The following AMOTL1 variants were observed in gnomAD, a reference collection of about 807,000 sequenced individuals.
AMOTL1 encodes the protein angiomotin-like protein 1.
AMOTL1 carries 45 observed loss-of-function variants against 102.9 expected under a neutral mutation model. The observed-to-expected ratio is 0.44, with a 90% confidence interval of 0.34 to 0.56. The LOEUF is 0.56. AMOTL1 is among the 20% of genes least tolerant of loss of function. The pLI is 0.01. For synonymous variants in AMOTL1, 481 were observed against 484.7 expected, an observed-to-expected ratio of 0.99 and a Z score of 0.10; for missense variants, 1,114 against 1,225.6, an observed-to-expected ratio of 0.91 and a Z score of 1.36.
At chr11:94,839,534 A>C (rs913301541) in intron 6 of AMOTL1, among the ~76,000 whole-genome samples, 7 of 152,188 alleles carry the variant, frequency 4.6e-5, no homozygotes, top group African/African-American at 1.7e-4. Flanking sequence ...GCCATGGGGA[A>C]GCCATCTCCT....
At position 94,841,049 on chromosome 11, in the gene AMOTL1, A is replaced by C. The variant is rs114152582; in HGVS notation, c.1649-9065A>C. ...GATCATTATTCTTTATATTATGGCC[A>C]GGTTTTATGGTTGTTCTCTGCACAG... On this transcript the variant is annotated intron_variant, in intron 6 of 12. Transcript: ENST00000433060. Among the ~76,000 whole-genome samples, 330 of 152,240 alleles carry C rather than the reference A, an allele frequency of 2.2e-3. 4 individuals are homozygous for C. The highest frequency in any genetic ancestry group is 7.3e-3 in the African/African-American group (302 of 41,534).
chr11:94,846,684 A>G (rs1321877003), intron 6 of AMOTL1, among the ~76,000 whole-genome samples: 1 of 152,232 alleles, frequency 6.6e-6, no homozygotes, highest in Non-Finnish European at 1.5e-5. Context: ...GGGCTCTTCT[A>G]TCCCTATGTG....
intron 3 of AMOTL1, among the ~76,000 whole-genome samples, chr11:94,746,970 G>T (rs999390773): frequency 6.6e-6 from 1 of 151,900 alleles, no homozygotes; most frequent in Non-Finnish European, 1.5e-5. Context: ...TATCTTTTCA[G>T]TTGTATATCT....
At position 94,776,749 on chromosome 11, in the gene AMOTL1, C is replaced by T. The variant is rs369119263; in HGVS notation, c.49+8189C>T. Among the ~76,000 whole-genome samples, 170 of 152,324 alleles carry T rather than the reference C, an allele frequency of 1.1e-3. 5 individuals are homozygous for T. The South Asian group carries it at 0.033, about 30-fold the overall frequency. On this transcript the variant is annotated intron_variant, in intron 1 of 12. Coordinates refer to ENST00000433060, the MANE Select transcript of AMOTL1 (RefSeq NM_130847.3). ...GAAGCAGGCCTTTTCCTTTCTGACA[C>T]GGGTGGTGTTCTGGAGGGCTCTGAG...
Position 94,875,579 on chromosome 11 carries a change from G to C in AMOTL1, c.*4784G>C, listed in dbSNP as rs912148831. 1 of 152,120 alleles carries C rather than the reference G, an allele frequency of 6.6e-6. No individual in the cohort carries two copies. The highest frequency in any genetic ancestry group is 2.4e-5 in the African/African-American group (1 of 41,394). The allele number at this position is 152,120 out of a possible 1,614,324, so 9.4% of individuals were successfully genotyped here. A position where few individuals can be genotyped will look rare whatever the true frequency, so the allele number is the denominator to read the frequency against. On this transcript the variant is annotated 3_prime_UTR_variant, in exon 13 of 13. Transcript: ENST00000433060. ...ACTCTTCTACTAGAATGGCCTTCAG[G>C]GCTTGGCATGTTCCTTTGGTTTACC...
intron 12 of AMOTL1, 93 bp downstream of exon 12, chr11:94,869,566 A>C (rs1952952751): frequency 7.1e-7 from 1 of 1,402,490 alleles, no homozygotes; most frequent in South Asian, 1.5e-5. Context: ...AAGCAGGGGC[A>C]CCCATCAGCT....
intron 1 of AMOTL1, among the ~76,000 whole-genome samples, chr11:94,788,238 G>A (rs1015147545): frequency 6.6e-6 from 1 of 152,150 alleles, no homozygotes; most frequent in African/African-American, 2.4e-5. Context: ...AAGGGAACAT[G>A]GTAGGTAATA....
chr11:94,761,926 A>G (rs1162910236), intron 3 of AMOTL1, among the ~76,000 whole-genome samples: 1 of 152,226 alleles, frequency 6.6e-6, no homozygotes, highest in Non-Finnish European at 1.5e-5. Flanking sequence ...TGAACTGAAA[A>G]TATATGTTTT....
intron 1 of AMOTL1, among the ~76,000 whole-genome samples, chr11:94,790,638 G>A (rs1179717952): frequency 1.3e-5 from 2 of 152,158 alleles, no homozygotes; most frequent in Non-Finnish European, 2.9e-5. Context: ...AGACAGCCTT[G>A]AAAACCACAA....
At chr11:94,781,865 T>C (rs942082269) in intron 1 of AMOTL1, among the ~76,000 whole-genome samples, 1 of 151,790 alleles carries the variant, frequency 6.6e-6, no homozygotes, top group Non-Finnish European at 1.5e-5. Context: ...AGAAAAAAAC[T>C]ATCTTCATAA....
At chr11:94,832,025 G>A (rs1952082664) in intron 6 of AMOTL1, among the ~76,000 whole-genome samples, 1 of 152,174 alleles carries the variant, frequency 6.6e-6, no homozygotes, top group African/African-American at 2.4e-5. Flanking sequence ...ATTTCCAGAA[G>A]CCACTGAGAC....
chr11:94,741,118 G>A, intron 3 of AMOTL1: 1 of 728,828 alleles, frequency 1.4e-6, no homozygotes, highest in South Asian at 1.5e-5. Flanking sequence ...AAGGGTCAGG[G>A]GACACCTGCT....
In AMOTL1 at chr11:94,817,798, C is replaced by T. The variant is rs187048809; in HGVS notation, c.1122-3732C>T. 3.7e-4 allele frequency among the ~76,000 whole-genome samples: 57 copies of T among 152,232 alleles called. 1 individual carries two copies. The highest frequency in any genetic ancestry group is 6.8e-3 in the Middle Eastern group (2 of 294). ...AATAGAGGAAAAACTTGCAAGACTC[C>T]CATAGAAAGCTAATGTGTTCATAAA... On this transcript the variant is annotated intron_variant, in intron 3 of 12. Transcript: ENST00000433060.
chr11:94,737,969 G>A (rs1950459209), intron 2 of AMOTL1, among the ~76,000 whole-genome samples: 1 of 152,198 alleles, frequency 6.6e-6, no homozygotes, highest in South Asian at 2.1e-4. Context: ...GATACATAGA[G>A]TCAAGAAAGG....
chr11:94,722,732 A>G (rs1950193492), intron 1 of AMOTL1, among the ~76,000 whole-genome samples: 1 of 152,200 alleles, frequency 6.6e-6, no homozygotes, highest in African/African-American at 2.4e-5. Flanking sequence ...AGTGAGCTCT[A>G]TAAGCAAATT....
At chr11:94,783,267 G>GT (rs749378605) in intron 1 of AMOTL1, among the ~76,000 whole-genome samples, 2 of 151,490 alleles carry the variant, frequency 1.3e-5, no homozygotes, top group South Asian at 2.1e-4. Context: ...TGGGGATTGA[G>GT]TGAGTTAATA....
At chr11:94,722,012 C>T (rs190957810) in intron 1 of AMOTL1, among the ~76,000 whole-genome samples, 20 of 152,252 alleles carry the variant, frequency 1.3e-4, no homozygotes, top group Admixed American at 3.9e-4. Flanking sequence ...GCCTCATAGA[C>T]TTCAGCCTAG....
At position 94,771,267 on chromosome 11, in the gene AMOTL1, G is replaced by C. The variant is rs1032397469; in HGVS notation, c.49+2707G>C. Among the ~76,000 whole-genome samples, 81 of 143,330 alleles carry C rather than the reference G, an allele frequency of 5.7e-4. 1 individual carries two copies. The highest frequency in any genetic ancestry group is 1.9e-3 in the African/African-American group (77 of 40,104). 94.0% of individuals were successfully genotyped at this position (143,330 alleles called of 152,430 possible). A position where few individuals can be genotyped will look rare whatever the true frequency, so the allele number is the denominator to read the frequency against. On this transcript the variant is annotated intron_variant, in intron 1 of 12. Coordinates refer to ENST00000433060, the MANE Select transcript of AMOTL1 (RefSeq NM_130847.3). ...TTTCTTTTTGGCGGGGTTGGGGGGG[G>C]GGTGCGGTGTGTGGCTATCTGCATT...
At chr11:94,706,714 G>T (rs929437690) in intron 1 of AMOTL1, 1 of 152,370 alleles carries the variant, frequency 6.6e-6, no homozygotes, top group African/African-American at 2.4e-5. Flanking sequence ...CCATTGGGTG[G>T]GGAGGGTGGC....
Sources: allele counts gnomAD v4.1 joint callset (sites outside exome capture counted in the v4.1 genomes callset), GRCh38; gene constraint gnomAD v4.1.1; transcripts MANE v1.5; gene names NCBI Gene and HGNC (gene_info 2026-07-23, HGNC 2026-07-21).